Variants in TMBIM6 observed in about 807,000 individuals in gnomAD.
TMBIM6 encodes the protein transmembrane BAX inhibitor motif containing 6.
Under a neutral mutation model 31.4 loss-of-function variants are expected in TMBIM6, and 13 were observed. That is an observed-to-expected ratio of 0.41 (90% CI 0.27 to 0.66). The LOEUF is 0.66. Among genes scored for constraint, TMBIM6 ranks in the 30% least tolerant of loss-of-function variants. The pLI, the probability that TMBIM6 is intolerant of heterozygous loss-of-function variation, is 0.28. For missense variants in TMBIM6, 275 were observed against 289.5 expected (o/e 0.95, Z 0.36); for synonymous variants, 85 against 101.7 (o/e 0.84, Z 0.99).
chr12:49,756,501 T>TG lies in TMBIM6; in HGVS notation c.286+748dup, dbSNP rs916526602. 2.1e-4 allele frequency among the ~76,000 whole-genome samples: 31 copies of TG among 147,782 alleles called. No individual in the cohort carries two copies. The East Asian group carries it at 4.8e-3, about 23-fold the overall frequency. On this transcript the variant is annotated intron_variant, in intron 4 of 9. Coordinates refer to ENST00000267115, the MANE Select transcript of TMBIM6 (RefSeq NM_003217.3). ...ACCCTGTGGCCAGGCTGGAGTGCAG[T>TG]GGCGAGATCTCAGCTCATTGCAATC... is the stretch of plus-strand genomic sequence containing the variant.
Position 49,763,095 on chromosome 12 carries a change from C to G in TMBIM6, c.*199C>G. On this transcript the variant is annotated 3_prime_UTR_variant, in exon 10 of 10. Transcript: ENST00000267115. ...TAGTTTGGAGTTTGGCTTCATCTTC[C>G]TGGGGTTCCCCTCACTCCCTTTTTT... is the stretch of plus-strand genomic sequence containing the variant. 1.9e-6 allele frequency: 1 copy of G among 515,478 alleles called. No homozygotes were observed. The highest frequency in any genetic ancestry group is 3.4e-6 in the Non-Finnish European group (1 of 296,256). The allele number at this position is 515,478 out of a possible 1,614,324, so 31.9% of individuals were successfully genotyped here. A position where few individuals can be genotyped will look rare whatever the true frequency, so the allele number is the denominator to read the frequency against.
At chr12:49,742,149 T>C in intron 1 of TMBIM6, 1 of 1,612,294 alleles carries the variant, frequency 6.2e-7, no homozygotes, top group Non-Finnish European at 8.5e-7. Flanking sequence ...GTCACACTCC[T>C]CTGTGACACG....
chr12:49,746,701 G>GT (rs1222258787), intron 1 of TMBIM6, among the ~76,000 whole-genome samples: 2 of 151,926 alleles, frequency 1.3e-5, no homozygotes, highest in Non-Finnish European at 1.5e-5. Context: ...AGGGGACATG[G>GT]TTATACAGTG....
chr12:49,760,840 CT>C (rs1565573823), intron 8 of TMBIM6, among the ~76,000 whole-genome samples: 2 of 150,956 alleles, frequency 1.3e-5, no homozygotes, highest in Non-Finnish European at 2.9e-5. Flanking sequence ...CCATGCCCAG[CT>C]CACTTTTTTT....
At chr12:49,755,028 C>T (rs1363820772) in intron 3 of TMBIM6, among the ~76,000 whole-genome samples, 2 of 152,184 alleles carry the variant, frequency 1.3e-5, no homozygotes, top group African/African-American at 4.8e-5. Flanking sequence ...GTGATCTTGG[C>T]TTACTGCAAC....
chr12:49,760,954 C>T (rs1945708041), intron 8 of TMBIM6, among the ~76,000 whole-genome samples: 1 of 152,108 alleles, frequency 6.6e-6, no homozygotes, highest in African/African-American at 2.4e-5. Flanking sequence ...TTTCTCCTGC[C>T]TTAACATCCT....
intron 4 of TMBIM6, among the ~76,000 whole-genome samples, chr12:49,757,275 A>G (rs986487091): frequency 7.9e-5 from 12 of 152,222 alleles, no homozygotes; most frequent in African/African-American, 2.9e-4. Flanking sequence ...AAAAATAGCC[A>G]TTGTGTACTT....
At chr12:49,743,934 A>G (rs542215571) in intron 1 of TMBIM6, among the ~76,000 whole-genome samples, 2 of 152,344 alleles carry the variant, frequency 1.3e-5, no homozygotes, top group African/African-American at 2.4e-5. Context: ...ATTGGCATTC[A>G]GTAGAGCAGG....
chr12:49,750,387 G>A (rs975714582), intron 1 of TMBIM6, among the ~76,000 whole-genome samples: 2 of 152,184 alleles, frequency 1.3e-5, no homozygotes, highest in Non-Finnish European at 2.9e-5. Flanking sequence ...TGAGAAACTT[G>A]GCTCTGAAAG....
chr12:49,749,375 C>A (rs58250762), intron 1 of TMBIM6, among the ~76,000 whole-genome samples: 13,588 of 151,792 alleles, frequency 0.09, 1,120 homozygotes, highest in African/African-American at 0.22. Context: ...TCTGGAAAAC[C>A]CCATCATAAG....
chr12:49,751,508 C>CA (rs35031137), intron 1 of TMBIM6, among the ~76,000 whole-genome samples: 5 of 151,918 alleles, frequency 3.3e-5, no homozygotes, highest in Admixed American at 6.6e-5. Context: ...CTGAAACTGT[C>CA]AAAAAAATAC....
At position 49,761,711 on chromosome 12, in the gene TMBIM6, A is replaced by G. The variant is rs756214865; in HGVS notation, c.622A>G (p.Ile208Val). 6.2e-7 allele frequency: 1 copy of G among 1,614,238 alleles called. No individual in the cohort carries two copies. Among genetic ancestry groups the G allele is most frequent in the Non-Finnish European group, 8.5e-7 (1 of 1,180,038 alleles). ...HGDQDYIWHC[I>V]DLFLDFITVF... is the part of the protein sequence containing the mutation. ...CTGGTTCTTGCCTTTCAGGCACTGC[A>G]TTGATCTCTTCTTAGATTTCATTAC... The change falls in exon 9 of 10, where the codon ATT becomes GTT. Residue 208 changes from isoleucine to valine, a missense_variant. By Grantham distance (29) the Ile-to-Val change is conservative. Transcript: ENST00000267115.
intron 4 of TMBIM6, among the ~76,000 whole-genome samples, chr12:49,756,771 T>C (rs1370374448): frequency 3.5e-5 from 5 of 142,070 alleles, no homozygotes; most frequent in African/African-American, 1.3e-4. Context: ...AGTTTCACTC[T>C]TGTTGCCCAG....
At chr12:49,743,122 C>CA (rs1338744458) in intron 1 of TMBIM6, among the ~76,000 whole-genome samples, 1 of 151,820 alleles carries the variant, frequency 6.6e-6, no homozygotes, top group Non-Finnish European at 1.5e-5. Flanking sequence ...GCTAGGACCA[C>CA]AGGTGGACGT....
intron 7 of TMBIM6, 120 bp from the exon 8 acceptor site, chr12:49,759,101 T>G (rs1945663374): frequency 1.2e-6 from 1 of 843,624 alleles, no homozygotes; most frequent in Admixed American, 2.1e-5. Flanking sequence ...TCGTGAATGG[T>G]AATGTTCATA....
At chr12:49,751,338 CTG>C (rs1340083507) in intron 1 of TMBIM6, among the ~76,000 whole-genome samples, 1 of 152,018 alleles carries the variant, frequency 6.6e-6, no homozygotes, top group Non-Finnish European at 1.5e-5. Context: ...TTTAGGAGCA[CTG>C]TGTCTGTATG....
intron 1 of TMBIM6, chr12:49,749,691 C>T (rs969866207): frequency 2.0e-4 from 31 of 152,370 alleles, no homozygotes; most frequent in African/African-American, 7.5e-4. Context: ...GCCTCGGCCT[C>T]CCAAAGTACT....
intron 3 of TMBIM6, 115 bp from the exon 4 acceptor site, chr12:49,755,520 G>A: frequency 7.4e-7 from 1 of 1,353,518 alleles, no homozygotes; most frequent in Non-Finnish European, 1.0e-6. Context: ...CTGCCTCCAG[G>A]TTATAAGCAA....
chr12:49,756,110 G>A (rs1345379024), intron 4 of TMBIM6, among the ~76,000 whole-genome samples: 1 of 151,428 alleles, frequency 6.6e-6, no homozygotes, highest in African/African-American at 2.4e-5. Context: ...TAGGATTACA[G>A]GCATGAGCCA....
Sources: allele counts gnomAD v4.1 joint callset (sites outside exome capture counted in the v4.1 genomes callset), GRCh38; gene constraint gnomAD v4.1.1; transcripts MANE v1.5; gene names NCBI Gene and HGNC (gene_info 2026-07-23, HGNC 2026-07-21).